The following COMMD9 variants were observed in gnomAD, a reference collection of about 807,000 sequenced individuals.
The protein encoded by COMMD9 is COMM domain containing 9.
In COMMD9, 22 loss-of-function variants were observed where a neutral mutation model predicts 23.4. The observed-to-expected ratio is 0.94, with a 90% confidence interval of 0.67 to 1.34. COMMD9 has a LOEUF of 1.34. Among genes scored for constraint, COMMD9 ranks in the 40% most tolerant of loss-of-function variants. COMMD9 has a pLI of 0.00. For synonymous variants in COMMD9, 99 were observed against 97.4 expected, an observed-to-expected ratio of 1.02 and a Z score of -0.10; for missense variants, 231 against 240.2, an observed-to-expected ratio of 0.96 and a Z score of 0.25.
chr11:36,272,789 A>G lies in COMMD9; in HGVS notation c.*1843T>C, dbSNP rs1855900198. The stretch of plus-strand genomic sequence containing the variant: ...TCCAAATGGCGCTAGTCACAGAATT[A>G]TATGTTCCTTGCAAAGTCCTGTGTT... On this transcript the variant is annotated 3_prime_UTR_variant, in exon 6 of 6. Coordinates refer to ENST00000263401, the MANE Select transcript of COMMD9 (RefSeq NM_014186.4). The G allele has an allele frequency of 6.6e-6, 1 of 152,190 alleles. No individual in the cohort carries two copies. Among genetic ancestry groups the G allele is most frequent in the African/African-American group, 2.4e-5 (1 of 41,442 alleles). The allele number at this position is 152,190 out of a possible 1,614,324, so 9.4% of individuals were successfully genotyped here. A position where few individuals can be genotyped will look rare whatever the true frequency, so the allele number is the denominator to read the frequency against.
rs1856053753 is a variant in COMMD9, at chr11:36,280,823, A to T, written c.66T>A (p.Asp22Glu). The part of the protein sequence containing the change: ...LQSLLKASSK[D>E]VVRQLCQESF... Reference sequence around the variant, plus strand: ...TTTCTTGACACAGCTGTCTGACAACATCTTTCGAGGAGGCCTATGAATTAA... The same window carrying T: ...TTTCTTGACACAGCTGTCTGACAACTTCTTTCGAGGAGGCCTATGAATTAA... The change falls in exon 2 of 6, where the codon GAT becomes GAA. Residue 22 changes from aspartate (D) to glutamate (E), a missense_variant. Transcript: ENST00000263401. 1.3e-6 allele frequency: 2 copies of T among 1,591,000 alleles called. No individual in the cohort carries two copies. The highest frequency in any genetic ancestry group is 1.7e-6 in the Non-Finnish European group (2 of 1,168,668).
Position 36,275,679 on chromosome 11 carries a change from T to C in COMMD9, c.456+458A>G, listed in dbSNP as rs570814347. Among the ~76,000 whole-genome samples the C allele has an allele frequency of 1.6e-4, 25 of 152,296 alleles. No individual in the cohort carries two copies. The South Asian group carries it at 5.0e-3, about 30-fold the overall frequency. On this transcript the variant is annotated intron_variant, in intron 5 of 5. Coordinates refer to ENST00000263401, the MANE Select transcript of COMMD9 (RefSeq NM_014186.4). ...GGATGGTCTTGATCTCTTGACCTCA[T>C]GATCCACCCACCTCGGCCTCCCAAA... is the stretch of plus-strand genomic sequence containing the variant.
chr11:36,285,196 G>A (rs983342803), intron 1 of COMMD9, among the ~76,000 whole-genome samples: 2 of 152,076 alleles, frequency 1.3e-5, no homozygotes, highest in Non-Finnish European at 2.9e-5. Flanking sequence ...AGATCCTGCA[G>A]ACATCAAAAG....
intron 1 of COMMD9, among the ~76,000 whole-genome samples, chr11:36,281,835 C>T (rs1203795500): frequency 6.6e-6 from 1 of 152,116 alleles, no homozygotes; most frequent in African/African-American, 2.4e-5. Context: ...ACCAAGATGA[C>T]AGATGTTAAA....
intron 2 of COMMD9, among the ~76,000 whole-genome samples, chr11:36,280,229 A>C (rs950184740): frequency 6.6e-6 from 1 of 152,240 alleles, no homozygotes; most frequent in Non-Finnish European, 1.5e-5. Flanking sequence ...AAGTTACCTT[A>C]ATCTCCCTCT....
chr11:36,276,462 T>A, intron 4 of COMMD9: 1 of 478,634 alleles, frequency 2.1e-6, no homozygotes, highest in Non-Finnish European at 3.7e-6. Flanking sequence ...AGTGGCAGCG[T>A]ATCCAGGCTT....
At chr11:36,285,737 G>A (rs1004998371) in intron 1 of COMMD9, among the ~76,000 whole-genome samples, 4 of 151,990 alleles carry the variant, frequency 2.6e-5, no homozygotes, top group Admixed American at 6.6e-5. Context: ...CAGATGCAAG[G>A]CTGGTTCAGT....
At chr11:36,281,696 A>G (rs1856069978) in intron 1 of COMMD9, among the ~76,000 whole-genome samples, 1 of 152,228 alleles carries the variant, frequency 6.6e-6, no homozygotes, top group African/African-American at 2.4e-5. Context: ...CTAAAACATA[A>G]AATTTAAATA....
rs771140799 is a variant in COMMD9, at chr11:36,274,671, G to T, written c.558C>A (p.Gly186=). The change falls in exon 6 of 6, where the codon GGC becomes GGA. Residue 186 remains glycine, a synonymous_variant. Transcript: ENST00000263401. ...ETLDTMLDGL[G]RIRDQLSAVA... Reference sequence around the variant, plus strand: ...CGGCAGAGAGTTGGTCTCGGATGCGGCCCAGGCCATCTAACATGGTGTCCA... The same window carrying T: ...CGGCAGAGAGTTGGTCTCGGATGCGTCCCAGGCCATCTAACATGGTGTCCA... 1 of 1,614,278 alleles carries T rather than the reference G, an allele frequency of 6.2e-7. No individual in the cohort carries two copies. The highest frequency in any genetic ancestry group is 1.7e-5 in the Admixed American group (1 of 60,036).
chr11:36,274,035 G>T lies in COMMD9; in HGVS notation c.*597C>A. On this transcript the variant is annotated 3_prime_UTR_variant, in exon 6 of 6. Coordinates refer to ENST00000263401, the MANE Select transcript of COMMD9 (RefSeq NM_014186.4). ...GGAGTGGCTGCATTAGATGAAGGAA[G>T]AGGGCCCTGGTTTCATGAAGAAGGG... 1 of 259,186 alleles carries T rather than the reference G, an allele frequency of 3.9e-6. No homozygotes were observed. Among genetic ancestry groups the T allele is most frequent in the South Asian group, 4.3e-5 (1 of 23,068 alleles). 16.1% of individuals were successfully genotyped at this position (259,186 alleles called of 1,614,324 possible).
chr11:36,274,444 G>C lies in COMMD9; in HGVS notation c.*188C>G. 2 of 779,078 alleles carry C rather than the reference G, an allele frequency of 2.6e-6. No individual in the cohort carries two copies. The highest frequency in any genetic ancestry group is 1.7e-5 in the African/African-American group (1 of 59,222). 48.3% of individuals were successfully genotyped at this position (779,078 alleles called of 1,614,324 possible). The stretch of plus-strand genomic sequence containing the variant: ...AGCTTCAGAAAGAGAAAGAAGATGA[G>C]TGAGAACAGCGGGGGATCTGGCTGC... On this transcript the variant is annotated 3_prime_UTR_variant, in exon 6 of 6. Transcript: ENST00000263401.
chr11:36,285,680 T>C (rs1856139346), intron 1 of COMMD9, among the ~76,000 whole-genome samples: 1 of 152,048 alleles, frequency 6.6e-6, no homozygotes, highest in Non-Finnish European at 1.5e-5. Flanking sequence ...AATAGAGACA[T>C]ATAATTATAT....
chr11:36,282,386 A>C (rs1214852973), intron 1 of COMMD9, among the ~76,000 whole-genome samples: 2 of 152,174 alleles, frequency 1.3e-5, no homozygotes, highest in Admixed American at 6.5e-5. Context: ...ACAAAGAAAA[A>C]AATATTTAAA....
In COMMD9 at chr11:36,278,584, C is replaced by G; in HGVS notation, c.210G>C (p.Leu70=). The change falls in exon 3 of 6, where the codon CTG becomes CTC. Residue 70 remains leucine, a synonymous_variant. Coordinates refer to ENST00000263401, the MANE Select transcript of COMMD9 (RefSeq NM_014186.4). ...LLQALHRLTR[L]VAFRDLSSAE... The stretch of plus-strand genomic sequence containing the variant: ...CAGAGGACAGGTCACGGAATGCCAC[C>G]AGCCTAGTGAGGCGGTGCAGAGCCT... 1 of 1,614,172 alleles carries G rather than the reference C, an allele frequency of 6.2e-7. No individual in the cohort carries two copies. The highest frequency in any genetic ancestry group is 8.5e-7 in the Non-Finnish European group (1 of 1,180,020).
At chr11:36,279,140 G>A (rs1031945871) in intron 2 of COMMD9, among the ~76,000 whole-genome samples, 13 of 152,290 alleles carry the variant, frequency 8.5e-5, no homozygotes, top group African/African-American at 2.2e-4. Flanking sequence ...ACAAGATACC[G>A]GCTCCTGTGG....
At position 36,280,765 on chromosome 11, in the gene COMMD9, G is replaced by GT; in HGVS notation, c.123dup (p.Leu42ThrfsTer28). 6.2e-7 allele frequency: 1 copy of GT among 1,609,148 alleles called. No homozygotes were observed. The highest frequency in any genetic ancestry group is 8.5e-7 in the Non-Finnish European group (1 of 1,176,868). ...AAGCTGGAACATGTAACATCCAAGA[G>GT]TTTTTTCAAGCCAAGGGCTGAACTG... is the stretch of plus-strand genomic sequence containing the variant. On this transcript the variant is annotated frameshift_variant, in exon 2 of 6. Coordinates refer to ENST00000263401, the MANE Select transcript of COMMD9 (RefSeq NM_014186.4). LOFTEE classifies it high-confidence loss of function.
At chr11:36,278,318 C>CT in intron 3 of COMMD9, 159 bp downstream of exon 3, 1 of 647,340 alleles carries the variant, frequency 1.5e-6, no homozygotes, top group Non-Finnish European at 2.6e-6. Context: ...AAGACTACCA[C>CT]TAACATCTGG....
chr11:36,287,759 A>G (rs1017757506), intron 1 of COMMD9, among the ~76,000 whole-genome samples: 20 of 152,156 alleles, frequency 1.3e-4, no homozygotes, highest in African/African-American at 4.8e-4. Context: ...AACATGGGCA[A>G]TATTAAATGA....
At chr11:36,283,618 T>A (rs902866334) in intron 1 of COMMD9, among the ~76,000 whole-genome samples, 4 of 152,156 alleles carry the variant, frequency 2.6e-5, no homozygotes, top group African/African-American at 9.7e-5. Flanking sequence ...TAAAAAAATG[T>A]TAACCTATGG....
Sources: allele counts gnomAD v4.1 joint callset (sites outside exome capture counted in the v4.1 genomes callset), GRCh38; gene constraint gnomAD v4.1.1; transcripts MANE v1.5; gene names NCBI Gene and HGNC (gene_info 2026-07-23, HGNC 2026-07-21).